NEBL: variants seen among roughly 807,000 people sequenced by gnomAD.
NEBL encodes LIM and SH3 protein 2.
NEBL carries 122 observed loss-of-function variants against 140.2 expected under a neutral mutation model. That is an observed-to-expected ratio of 0.87 (90% CI 0.75 to 1.01). The LOEUF (loss-of-function observed/expected upper bound fraction) is 1.01, where lower values mean the gene tolerates loss of function less well. NEBL is among the 50% of genes least tolerant of loss of function. The pLI is 0.00. For synonymous variants in NEBL, 436 were observed against 398.9 expected (o/e 1.09, Z -1.11); for missense variants, 1,365 against 1,231.3 (o/e 1.11, Z -1.62).
At chr10:20,973,659 T>A (rs1211283251) in intron 3 of NEBL, among the ~76,000 whole-genome samples, 1 of 152,228 alleles carries the variant, frequency 6.6e-6, no homozygotes, top group Non-Finnish European at 1.5e-5. Flanking sequence ...ACGTAGACTT[T>A]GTCAAGAGGT....
chr10:20,870,789 A>C (rs527366306), intron 5 of NEBL, among the ~76,000 whole-genome samples: 1 of 152,254 alleles, frequency 6.6e-6, no homozygotes, highest in Non-Finnish European at 1.5e-5. Flanking sequence ...TGCATGTTAG[A>C]CACAAACCAA....
chr10:20,833,406 C>T (rs369766203), intron 14 of NEBL, among the ~76,000 whole-genome samples: 94 of 152,030 alleles, frequency 6.2e-4, no homozygotes, highest in African/African-American at 2.2e-3. Flanking sequence ...AAGTCCCGAA[C>T]ATTGGTTGAA....
intron 2 of NEBL, among the ~76,000 whole-genome samples, chr10:21,025,782 T>C (rs1258065565): frequency 1.3e-5 from 2 of 152,184 alleles, no homozygotes; most frequent in African/African-American, 4.8e-5. Context: ...TGGCCTCAAC[T>C]TTCTCATCTA....
At chr10:21,072,128 T>C (rs1407934854) in intron 2 of NEBL, among the ~76,000 whole-genome samples, 1 of 152,124 alleles carries the variant, frequency 6.6e-6, no homozygotes, top group African/African-American at 2.4e-5. Flanking sequence ...CATTGGTTTT[T>C]TTTTCAGGAG....
intron 3 of NEBL, among the ~76,000 whole-genome samples, chr10:20,992,254 T>A (rs1157234131): frequency 6.6e-6 from 1 of 152,256 alleles, no homozygotes; most frequent in African/African-American, 2.4e-5. Flanking sequence ...CTATCTAGCA[T>A]CTTTTGAATG....
rs989631709 is a variant in NEBL at position 20,831,214 on chromosome 10, T to C, written c.1653A>G (p.Thr551=). Residue 551 remains threonine, a synonymous_variant, in exon 16 of 28, where the codon ACA becomes ACG. Transcript: ENST00000377122. ...GACCAACCTGGCTATAGATTTCAGA[T>C]GTCCTCTTGGCTCGAAGGATATCTG... ...DIPDILRAKR[T]SEIYSQRKYK... is the part of the protein sequence containing the mutation. The C allele has an allele frequency of 6.2e-7, 1 of 1,612,798 alleles. No individual in the cohort carries two copies. The highest frequency in any genetic ancestry group is 8.5e-7 in the Non-Finnish European group (1 of 1,179,010).
At chr10:21,042,216 C>A (rs1834303703) in intron 2 of NEBL, among the ~76,000 whole-genome samples, 2 of 152,192 alleles carry the variant, frequency 1.3e-5, no homozygotes, top group Admixed American at 6.5e-5. Flanking sequence ...ATCCTCCCAA[C>A]AACCTTATGA....
chr10:21,091,519 C>A (rs1405388757), intron 2 of NEBL, among the ~76,000 whole-genome samples: 8 of 104,768 alleles, frequency 7.6e-5, no homozygotes, highest in African/African-American at 6.7e-4. Context: ...ATCCAATTAG[C>A]TATCAGTACC....
At chr10:20,831,397 G>A in intron 15 of NEBL, 76 bp downstream of exon 15, 1 of 1,504,388 alleles carries the variant, frequency 6.6e-7, no homozygotes, top group Admixed American at 1.7e-5. Context: ...CCACCCATGT[G>A]GAAAGAAAAC....
intron 3 of NEBL, among the ~76,000 whole-genome samples, chr10:21,199,898 C>A (rs569210511): frequency 6.6e-6 from 1 of 152,310 alleles, no homozygotes; most frequent in Admixed American, 6.5e-5. Context: ...TTTGAAGCTG[C>A]AATGTGGCAT....
At chr10:20,948,624 T>G (rs1649706387) in intron 4 of NEBL, among the ~76,000 whole-genome samples, 1 of 152,154 alleles carries the variant, frequency 6.6e-6, no homozygotes, top group South Asian at 2.1e-4. Flanking sequence ...AGACACACAC[T>G]CACGCTGGAG....
chr10:21,088,847 G>C (rs1466247541), intron 2 of NEBL, among the ~76,000 whole-genome samples: 1 of 152,218 alleles, frequency 6.6e-6, no homozygotes, highest in Non-Finnish European at 1.5e-5. Flanking sequence ...GAGAGTCCAA[G>C]CTTCAGGGTT....
rs569068506 is a variant in NEBL, at chr10:21,268,046, C to T, written n.183-16218G>A. 9.8e-5 allele frequency among the ~76,000 whole-genome samples: 15 copies of T among 152,286 alleles called. No individual in the cohort carries two copies. The South Asian group carries it at 2.9e-3, about 29-fold the overall frequency. ...CGATGTGTGGCGCCCCAACTGCATGCTCATTCATAAACCAAGACTCCTAGG... is the reference window on the plus strand; with the variant it reads ...CGATGTGTGGCGCCCCAACTGCATGTTCATTCATAAACCAAGACTCCTAGG... On this transcript the variant is annotated intron_variant and non_coding_transcript_variant, in intron 1 of 8. Coordinates refer to the NEBL transcript ENST00000675702.
At chr10:21,116,578 C>T (rs890532354) in intron 2 of NEBL, among the ~76,000 whole-genome samples, 2 of 152,034 alleles carry the variant, frequency 1.3e-5, no homozygotes, top group East Asian at 3.9e-4. Flanking sequence ...GTAATTCTAT[C>T]ATCTGTGTCA....
At chr10:21,009,502 C>T (rs1589132711) in intron 3 of NEBL, among the ~76,000 whole-genome samples, 1 of 152,280 alleles carries the variant, frequency 6.6e-6, no homozygotes, top group Non-Finnish European at 1.5e-5. Context: ...GATTTAGCAT[C>T]ATCCTGACCC....
chr10:20,988,944 C>T (rs1016117849), intron 3 of NEBL, among the ~76,000 whole-genome samples: 3 of 152,226 alleles, frequency 2.0e-5, no homozygotes, highest in African/African-American at 7.2e-5. Flanking sequence ...GTGCATGGCA[C>T]ACATTAGGTA....
At chr10:21,026,382 T>C (rs78899022) in intron 2 of NEBL, among the ~76,000 whole-genome samples, 3,117 of 152,188 alleles carry the variant, frequency 0.02, 103 homozygotes, top group African/African-American at 0.07. Flanking sequence ...AGTGCTGAGG[T>C]TAATAAGTCT....
chr10:21,174,134 C>T, exon 1 of NEBL: 1 of 656,136 alleles, frequency 1.5e-6, no homozygotes, highest in Non-Finnish European at 1.9e-6. Flanking sequence ...CAGTCACTCG[C>T]GCCCGCCCCT....
intron 2 of NEBL, among the ~76,000 whole-genome samples, chr10:21,136,115 T>C (rs1839343308): frequency 6.6e-6 from 1 of 152,110 alleles, no homozygotes; most frequent in South Asian, 2.1e-4. Flanking sequence ...ACCAGCCCAG[T>C]GGAAGATACT....
Sources: allele counts gnomAD v4.1 joint callset (sites outside exome capture counted in the v4.1 genomes callset), GRCh38; gene constraint gnomAD v4.1.1; transcripts MANE v1.5; gene names NCBI Gene and HGNC (gene_info 2026-07-23, HGNC 2026-07-21).